Variants in CSMD1 observed in about 807,000 individuals in gnomAD.
CSMD1 encodes the protein CUB and sushi domain-containing protein 1.
Under a neutral mutation model 417.5 loss-of-function variants are expected in CSMD1, and 213 were observed. The observed-to-expected ratio is 0.51, with a 90% CI of 0.46 to 0.57. The LOEUF is 0.57. CSMD1 is among the 20% of genes least tolerant of loss of function. CSMD1 has a pLI of 0.00. For missense variants in CSMD1, 6,923 were observed against 4,529.7 expected (o/e 1.53, Z -15.17); for synonymous variants, 2,862 against 1,736.8 (o/e 1.65, Z -16.11).
At chr8:3,592,689 CATCCGTGTGTGTGTGTGT>C (rs1800905374) in intron 8 of CSMD1, among the ~76,000 whole-genome samples, 1 of 135,718 alleles carries the variant, frequency 7.4e-6, no homozygotes, top group African/African-American at 3.3e-5. Flanking sequence ...TGTGTGTGCA[CATCCGTGTGTGTGTGTGT>C]GTGAGTATGC....
chr8:3,282,936 C>A (rs374492299), intron 26 of CSMD1, among the ~76,000 whole-genome samples: 5 of 152,256 alleles, frequency 3.3e-5, no homozygotes, highest in African/African-American at 9.6e-5. Flanking sequence ...TGATGGCTGA[C>A]CTTGTGTGCT....
At chr8:4,726,960 T>C (rs954157059) in intron 1 of CSMD1, among the ~76,000 whole-genome samples, 2 of 152,070 alleles carry the variant, frequency 1.3e-5, no homozygotes, top group Admixed American at 1.3e-4. Context: ...TTAAAAAAAA[T>C]ACATGGATGA....
chr8:4,979,398 C>G (rs1015674553), intron 1 of CSMD1, among the ~76,000 whole-genome samples: 7 of 152,144 alleles, frequency 4.6e-5, no homozygotes, highest in African/African-American at 7.2e-5. Context: ...TTTTCCACGG[C>G]CACACTATGA....
intron 5 of CSMD1, among the ~76,000 whole-genome samples, chr8:3,948,065 G>C (rs925443055): frequency 6.6e-5 from 10 of 152,050 alleles, no homozygotes; most frequent in African/African-American, 1.2e-4. Context: ...AATTATCTGG[G>C]CATGGTGGCA....
chr8:4,314,364 A>T (rs1288516233), intron 3 of CSMD1, among the ~76,000 whole-genome samples: 1 of 152,198 alleles, frequency 6.6e-6, no homozygotes, highest in Non-Finnish European at 1.5e-5. Context: ...AACATTTCCT[A>T]CATATTTCTG....
chr8:4,444,293 A>G (rs546697377), intron 2 of CSMD1, among the ~76,000 whole-genome samples: 8 of 140,846 alleles, frequency 5.7e-5, no homozygotes, highest in African/African-American at 2.1e-4. Context: ...GTTGCAGTGA[A>G]CTGAGATCTC....
At chr8:4,746,805 G>C (rs1585035452) in intron 1 of CSMD1, among the ~76,000 whole-genome samples, 1 of 152,160 alleles carries the variant, frequency 6.6e-6, no homozygotes, top group Non-Finnish European at 1.5e-5. Flanking sequence ...AAAGATAACT[G>C]TGTGGGTTCT....
At chr8:4,797,635 G>C (rs76959640) in intron 1 of CSMD1, among the ~76,000 whole-genome samples, 1 of 152,082 alleles carries the variant, frequency 6.6e-6, no homozygotes, top group Admixed American at 6.5e-5. Context: ...AGTATAAAGC[G>C]AAGATATAGA....
intron 1 of CSMD1, among the ~76,000 whole-genome samples, chr8:4,761,860 T>C (rs1287978633): frequency 1.3e-5 from 1 of 79,076 alleles, no homozygotes; most frequent in East Asian, 4.3e-4. Flanking sequence ...TCTATCTATC[T>C]ATCTATCTAT....
chr8:4,703,662 A>C (rs1402531214), intron 1 of CSMD1, among the ~76,000 whole-genome samples: 2 of 152,206 alleles, frequency 1.3e-5, no homozygotes, highest in African/African-American at 4.8e-5. Flanking sequence ...GTAATCTAGA[A>C]GACAAATAGT....
intron 5 of CSMD1, among the ~76,000 whole-genome samples, chr8:3,792,680 C>A (rs141751035): frequency 6.6e-6 from 1 of 152,274 alleles, no homozygotes; most frequent in African/African-American, 2.4e-5. Flanking sequence ...AGACCGCAAT[C>A]ATGAAATCTT....
intron 1 of CSMD1, among the ~76,000 whole-genome samples, chr8:4,789,156 T>C (rs1468302296): frequency 1.3e-5 from 2 of 152,206 alleles, no homozygotes; most frequent in Non-Finnish European, 2.9e-5. Flanking sequence ...AAATACAATG[T>C]TGTATGTTCA....
chr8:3,196,417 C>T (rs1427554557), intron 33 of CSMD1, among the ~76,000 whole-genome samples: 1 of 152,154 alleles, frequency 6.6e-6, no homozygotes, highest in East Asian at 1.9e-4. Flanking sequence ...CTTAACTTTC[C>T]TAATAAACTT....
intron 3 of CSMD1, among the ~76,000 whole-genome samples, chr8:4,064,892 C>T (rs947317219): frequency 1.3e-5 from 2 of 151,442 alleles, no homozygotes; most frequent in Non-Finnish European, 2.9e-5. Flanking sequence ...GGTTTCCTCA[C>T]AAAGTGGTCA....
intron 3 of CSMD1, among the ~76,000 whole-genome samples, chr8:4,045,950 C>G (rs919869712): frequency 6.6e-6 from 1 of 151,958 alleles, no homozygotes; most frequent in Non-Finnish European, 1.5e-5. Flanking sequence ...CTAAGTCATT[C>G]AAATCAAAGT....
intron 10 of CSMD1, among the ~76,000 whole-genome samples, chr8:3,548,239 G>C (rs1273740319): frequency 6.6e-6 from 1 of 152,154 alleles, no homozygotes. Flanking sequence ...TCAGTGCCCA[G>C]TTCTGCCCTT....
intron 25 of CSMD1, among the ~76,000 whole-genome samples, chr8:3,302,516 C>A (rs774136850): frequency 1.3e-5 from 2 of 152,184 alleles, no homozygotes; most frequent in Non-Finnish European, 2.9e-5. Flanking sequence ...TTCTTCCCTG[C>A]ATGTCTATCT....
intron 3 of CSMD1, among the ~76,000 whole-genome samples, chr8:4,399,626 A>C (rs189652503): frequency 6.6e-6 from 1 of 152,042 alleles, no homozygotes; most frequent in African/African-American, 2.4e-5. Flanking sequence ...ACCATCCTAG[A>C]TGTCAACAAT....
chr8:4,195,568 T>C (rs986417072), intron 3 of CSMD1, among the ~76,000 whole-genome samples: 1 of 152,110 alleles, frequency 6.6e-6, no homozygotes, highest in Admixed American at 6.6e-5. Context: ...CAATAGTATA[T>C]GGTAGAGGTG....
Sources: allele counts gnomAD v4.1 joint callset (sites outside exome capture counted in the v4.1 genomes callset), GRCh38; gene constraint gnomAD v4.1.1; transcripts MANE v1.5; gene names NCBI Gene and HGNC (gene_info 2026-07-23, HGNC 2026-07-21).